The following CDH13 variants were observed in gnomAD, a reference collection of about 807,000 sequenced individuals.
CDH13 encodes cadherin-13.
Under a neutral mutation model 63.8 loss-of-function variants are expected in CDH13, and 24 were observed. The ratio of observed to expected loss-of-function variants is 0.38; its 90% CI spans 0.27 to 0.53. The LOEUF is 0.53. Ranked by LOEUF, CDH13 falls within the 20% of genes least tolerant of loss-of-function variation. The pLI is 0.85. For missense variants in CDH13, 1,049 were observed against 903.1 expected (o/e 1.16, Z -2.07); for synonymous variants, 503 against 355.3 (o/e 1.42, Z -4.67).
chr16:83,373,140 G>A (rs2091402555), intron 6 of CDH13, among the ~76,000 whole-genome samples: 1 of 152,194 alleles, frequency 6.6e-6, no homozygotes, highest in African/African-American at 2.4e-5. Flanking sequence ...TTGAGCAAAT[G>A]TTTAAACTAT....
chr16:83,316,460 C>T (rs927609928), intron 5 of CDH13, among the ~76,000 whole-genome samples: 1 of 152,202 alleles, frequency 6.6e-6, no homozygotes, highest in Non-Finnish European at 1.5e-5. Flanking sequence ...GTCAGTGCTA[C>T]CGCTAGAGCT....
chr16:82,639,550 T>C, intron 1 of CDH13: 1 of 842,516 alleles, frequency 1.2e-6, no homozygotes, highest in Non-Finnish European at 1.9e-6. Flanking sequence ...AAGTCAGTGC[T>C]TCCTGCAAGC....
intron 6 of CDH13, among the ~76,000 whole-genome samples, chr16:83,447,123 T>TTTTTTTTTTTTTTTTTTTTTG (rs2072724470): frequency 7.6e-6 from 1 of 131,540 alleles, no homozygotes; most frequent in Non-Finnish European, 1.6e-5. Flanking sequence ...TTTTTTTTTT[T>TTTTTTTTTTTTTTTTTTTTTG]TTTGGTTTGT....
chr16:83,627,645 G>A (rs1910431299), intron 8 of CDH13, among the ~76,000 whole-genome samples: 1 of 152,096 alleles, frequency 6.6e-6, no homozygotes, highest in Non-Finnish European at 1.5e-5. Flanking sequence ...CGGCCTCTCA[G>A]GCTCAACCAA....
At chr16:83,656,697 G>C (rs1912904127) in intron 8 of CDH13, among the ~76,000 whole-genome samples, 1 of 152,192 alleles carries the variant, frequency 6.6e-6, no homozygotes, top group Non-Finnish European at 1.5e-5. Context: ...AGACATCTTT[G>C]AATGACTGCA....
intron 6 of CDH13, among the ~76,000 whole-genome samples, chr16:83,368,124 C>A (rs1169669224): frequency 6.6e-6 from 1 of 152,024 alleles, no homozygotes; most frequent in East Asian, 1.9e-4. Context: ...GATCTTGTGT[C>A]CTTTAAACTT....
At chr16:83,453,855 C>T (rs2072951264) in intron 6 of CDH13, among the ~76,000 whole-genome samples, 1 of 152,204 alleles carries the variant, frequency 6.6e-6, no homozygotes, top group African/African-American at 2.4e-5. Flanking sequence ...CCATATGTGC[C>T]TGATAATGAC....
intron 2 of CDH13, among the ~76,000 whole-genome samples, chr16:82,997,251 G>C (rs996590868): frequency 2.0e-5 from 3 of 151,936 alleles, no homozygotes; most frequent in African/African-American, 7.3e-5. Flanking sequence ...CTTACTCTAG[G>C]CTAGATATTG....
intron 10 of CDH13, among the ~76,000 whole-genome samples, chr16:83,692,281 G>C (rs1211565436): frequency 6.6e-6 from 1 of 152,334 alleles, no homozygotes; most frequent in African/African-American, 2.4e-5. Flanking sequence ...ATGCCTGTAA[G>C]AGCATGGGGA....
intron 1 of CDH13, among the ~76,000 whole-genome samples, chr16:82,695,539 C>G (rs2030179242): frequency 6.6e-6 from 1 of 152,108 alleles, no homozygotes; most frequent in Non-Finnish European, 1.5e-5. Flanking sequence ...GTGTGCTGCT[C>G]CTAACGTAGC....
intron 1 of CDH13, among the ~76,000 whole-genome samples, chr16:82,691,122 G>C (rs1020960183): frequency 1.3e-5 from 2 of 152,216 alleles, no homozygotes; most frequent in African/African-American, 2.4e-5. Context: ...ACTGGACTCA[G>C]AGATATAACA....
chr16:83,120,319 T>G (rs972027154), intron 3 of CDH13, among the ~76,000 whole-genome samples: 2 of 152,066 alleles, frequency 1.3e-5, no homozygotes, highest in African/African-American at 4.8e-5. Flanking sequence ...ACACCAGAGG[T>G]AGGATGGGGA....
chr16:82,854,776 A>G (rs2039623456), intron 1 of CDH13, among the ~76,000 whole-genome samples: 1 of 152,228 alleles, frequency 6.6e-6, no homozygotes, highest in Non-Finnish European at 1.5e-5. Context: ...AGAGAGATCT[A>G]TATTTTCCTT....
intron 8 of CDH13, among the ~76,000 whole-genome samples, chr16:83,651,699 A>G (rs2150821147): frequency 6.7e-6 from 1 of 150,316 alleles, no homozygotes; most frequent in Middle Eastern, 3.4e-3. Context: ...AGGTTCAAGA[A>G]ATTCTCCTGC....
chr16:82,717,555 T>C (rs1233709203), intron 1 of CDH13, among the ~76,000 whole-genome samples: 1 of 151,356 alleles, frequency 6.6e-6, no homozygotes, highest in South Asian at 2.1e-4. Context: ...ATTCCATTGC[T>C]GGACTCTTTT....
rs1027538750 is a variant in CDH13, at chr16:82,717,517, G to A, written c.45+90380G>A. The stretch of plus-strand genomic sequence containing the variant: ...CCTGGAAGGCAACTTGTTTCAATGG[G>A]CTAGAGGCAAGTTGTTGGCTAGAGG... On this transcript the variant is annotated intron_variant, in intron 1 of 13. Coordinates refer to ENST00000567109, the MANE Select transcript of CDH13 (RefSeq NM_001257.5). Among the ~76,000 whole-genome samples, 4 of 151,670 alleles carry A rather than the reference G, an allele frequency of 2.6e-5. No individual in the cohort carries two copies. In the South Asian group the frequency reaches 6.3e-4, roughly 24 times the overall value.
chr16:83,621,485 T>TC (rs1382615425), intron 8 of CDH13, among the ~76,000 whole-genome samples: 1 of 117,902 alleles, frequency 8.5e-6, no homozygotes, highest in African/African-American at 3.2e-5. Context: ...CTTTTTTTTT[T>TC]TTTTTTTTTT....
chr16:83,111,807 A>T (rs762409723), intron 3 of CDH13, among the ~76,000 whole-genome samples: 3 of 152,220 alleles, frequency 2.0e-5, no homozygotes, highest in Admixed American at 6.5e-5. Context: ...TAGTTTCATC[A>T]TTTTATGGAA....
intron 6 of CDH13, among the ~76,000 whole-genome samples, chr16:83,455,933 A>C (rs1228815166): frequency 6.6e-6 from 1 of 152,200 alleles, no homozygotes; most frequent in Admixed American, 6.5e-5. Flanking sequence ...AATTTCATCA[A>C]CAGTGTGGAA....
Sources: allele counts gnomAD v4.1 joint callset (sites outside exome capture counted in the v4.1 genomes callset), GRCh38; gene constraint gnomAD v4.1.1; transcripts MANE v1.5; gene names NCBI Gene and HGNC (gene_info 2026-07-23, HGNC 2026-07-21).